Variants in XKR9 observed in about 807,000 individuals in gnomAD.
XKR9 encodes XK related 9, also known as XK-related protein 9.
In XKR9, 32 loss-of-function variants were observed where a neutral mutation model predicts 32.0. The ratio of observed to expected loss-of-function variants is 1.00; its 90% CI spans 0.76 to 1.34. The LOEUF (loss-of-function observed/expected upper bound fraction) is 1.34, where lower values mean the gene tolerates loss of function less well. Ranked by LOEUF, XKR9 falls within the 40% of genes most tolerant of loss-of-function variation. The probability of loss-of-function intolerance (pLI) is 0.00; values close to 1 mark genes in which losing one functional copy is unlikely to be tolerated. For missense variants in XKR9, 546 were observed against 429.7 expected (o/e 1.27, Z -2.39); for synonymous variants, 168 against 143.4 (o/e 1.17, Z -1.22).
At chr8:70,763,257 G>C (rs139662023) in intron 2 of XKR9, among the ~76,000 whole-genome samples, 4 of 152,300 alleles carry the variant, frequency 2.6e-5, no homozygotes, top group African/African-American at 9.6e-5. Context: ...TACTTCAGAA[G>C]CATGATGGTT....
At chr8:70,962,028 T>G in the XKR9 span, among the ~76,000 whole-genome samples, 1 of 152,218 alleles carries the variant, frequency 6.6e-6, no homozygotes, top group Non-Finnish European at 1.5e-5. Context: ...TGATCTGTCA[T>G]GTTATTAATC....
intron 2 of XKR9, among the ~76,000 whole-genome samples, chr8:70,748,942 C>T (rs1485045964): frequency 6.6e-6 from 1 of 152,142 alleles, no homozygotes; most frequent in Non-Finnish European, 1.5e-5. Context: ...TTCAGGATGA[C>T]CTGCCTGCAT....
chr8:70,810,401 G>A, the XKR9 span, among the ~76,000 whole-genome samples: 1 of 152,134 alleles, frequency 6.6e-6, no homozygotes, highest in Non-Finnish European at 1.5e-5. Flanking sequence ...AAAATAACCA[G>A]CTAACATCAT....
intron 2 of XKR9, among the ~76,000 whole-genome samples, chr8:70,783,061 G>A (rs567520235): frequency 6.6e-6 from 1 of 151,984 alleles, no homozygotes; most frequent in East Asian, 1.9e-4. Flanking sequence ...AACCACCAAG[G>A]GTTCCCTTTT....
chr8:70,970,452 A>T, the XKR9 span, among the ~76,000 whole-genome samples: 4 of 151,920 alleles, frequency 2.6e-5, no homozygotes, highest in Non-Finnish European at 5.9e-5. Context: ...ATTTCTCCTG[A>T]TGTTATCCCT....
At chr8:70,761,010 A>T (rs1355604809) in intron 2 of XKR9, among the ~76,000 whole-genome samples, 1 of 152,200 alleles carries the variant, frequency 6.6e-6, no homozygotes, top group Non-Finnish European at 1.5e-5. Context: ...AATGGCCTCC[A>T]GCTCTATCCA....
chr8:70,694,636 G>T (rs1003416277), intron 3 of XKR9, among the ~76,000 whole-genome samples: 6 of 152,002 alleles, frequency 3.9e-5, no homozygotes, highest in African/African-American at 1.4e-4. Context: ...TGCCTGAATA[G>T]CAAAGATGGC....
chr8:70,736,562 TA>T (rs1649021920), downstream of XKR9, among the ~76,000 whole-genome samples: 1 of 152,226 alleles, frequency 6.6e-6, no homozygotes, highest in Admixed American at 6.5e-5. Context: ...TCCTGAATGG[TA>T]ATGCCTAGGT....
chr8:71,044,513 T>TA, the XKR9 span, among the ~76,000 whole-genome samples: 1 of 152,372 alleles, frequency 6.6e-6, no homozygotes, highest in South Asian at 2.1e-4. Context: ...AGAGAGCCAC[T>TA]AAAATTGCTG....
intron 2 of XKR9, among the ~76,000 whole-genome samples, chr8:70,779,930 G>A (rs1807591494): frequency 6.6e-6 from 1 of 151,806 alleles, no homozygotes; most frequent in African/African-American, 2.4e-5. Flanking sequence ...ATTTTTTGAA[G>A]GTTTTTTTTG....
chr8:71,001,175 T>C, the XKR9 span, among the ~76,000 whole-genome samples: 26 of 152,308 alleles, frequency 1.7e-4, no homozygotes, highest in African/African-American at 5.1e-4. Flanking sequence ...ACATAAATTA[T>C]GGTAGATGAC....
chr8:71,051,085 T>C, the XKR9 span, among the ~76,000 whole-genome samples: 1 of 151,636 alleles, frequency 6.6e-6, no homozygotes, highest in Non-Finnish European at 1.5e-5. Flanking sequence ...AAAAACTAGG[T>C]CAAGAAATGA....
At chr8:70,900,316 T>C in the XKR9 span, among the ~76,000 whole-genome samples, 12 of 152,052 alleles carry the variant, frequency 7.9e-5, no homozygotes, top group African/African-American at 2.7e-4. Context: ...CCACGCTGGG[T>C]GCAGTGCTCG....
chr8:70,908,460 T>G, the XKR9 span, among the ~76,000 whole-genome samples: 1 of 152,288 alleles, frequency 6.6e-6, no homozygotes, highest in African/African-American at 2.4e-5. Context: ...GATGCCTGGG[T>G]TCCACTGCCA....
chr8:70,791,088 G>A (rs530066247), downstream of XKR9, among the ~76,000 whole-genome samples: 3 of 152,014 alleles, frequency 2.0e-5, no homozygotes, highest in Non-Finnish European at 2.9e-5. Flanking sequence ...AATTTCAGGG[G>A]TGAGATATAA....
chr8:70,682,964 A>G (rs1361529953), intron 3 of XKR9, among the ~76,000 whole-genome samples: 1 of 152,224 alleles, frequency 6.6e-6, no homozygotes, highest in Non-Finnish European at 1.5e-5. Context: ...TGTATCCTTT[A>G]GTATGGATGT....
At chr8:70,881,038 TA>T in the XKR9 span, among the ~76,000 whole-genome samples, 2 of 152,166 alleles carry the variant, frequency 1.3e-5, no homozygotes, top group African/African-American at 2.4e-5. Flanking sequence ...CCCTATTTAA[TA>T]AATGGTGCTG....
chr8:70,938,692 C>T, the XKR9 span, among the ~76,000 whole-genome samples: 8 of 152,022 alleles, frequency 5.3e-5, no homozygotes, highest in East Asian at 3.9e-4. Context: ...ACTAATTTTT[C>T]GCTGGCCGTT....
chr8:70,738,201 G>A (rs1272319861), downstream of XKR9, among the ~76,000 whole-genome samples: 1 of 134,920 alleles, frequency 7.4e-6, no homozygotes, highest in South Asian at 2.2e-4. Flanking sequence ...GTGTTGGGAG[G>A]GTGTATGTGT....
Sources: allele counts gnomAD v4.1 joint callset (sites outside exome capture counted in the v4.1 genomes callset), GRCh38; gene constraint gnomAD v4.1.1; transcripts MANE v1.5; gene names NCBI Gene and HGNC (gene_info 2026-07-23, HGNC 2026-07-21).